TBC1D32: variants seen among roughly 807,000 people sequenced by gnomAD.
TBC1D32 encodes the protein TBC1 domain family member 32.
A neutral mutation model predicts 170.3 loss-of-function variants in TBC1D32; 151 were observed. That is an observed-to-expected ratio of 0.89 (90% CI 0.78 to 1.01). TBC1D32 has a LOEUF of 1.01. Ranked by LOEUF, TBC1D32 falls within the 50% of genes least tolerant of loss-of-function variation. The probability of loss-of-function intolerance (pLI) is 0.00; values close to 1 mark genes in which losing one functional copy is unlikely to be tolerated. For synonymous variants in TBC1D32, 498 were observed against 488.0 expected (o/e 1.02, Z -0.27); for missense variants, 1,464 against 1,457.1 (o/e 1.00, Z -0.08).
chr6:121,135,088 T>C (rs1440803083), intron 24 of TBC1D32, among the ~76,000 whole-genome samples: 2 of 152,142 alleles, frequency 1.3e-5, no homozygotes, highest in African/African-American at 2.4e-5. Flanking sequence ...TTATCAGCCA[T>C]TCCTCTTAAC....
At chr6:121,112,786 G>C in intron 28 of TBC1D32, 127 bp from the exon 29 acceptor site, 1 of 911,278 alleles carries the variant, frequency 1.1e-6, no homozygotes, top group Non-Finnish European at 1.5e-6. Context: ...ATGAAACTTA[G>C]TTTTTAAATA....
chr6:121,083,744 G>C (rs1281539358), intron 31 of TBC1D32, among the ~76,000 whole-genome samples: 2 of 152,072 alleles, frequency 1.3e-5, no homozygotes, highest in African/African-American at 4.8e-5. Flanking sequence ...ATTCTCCTAT[G>C]TTAGTTACTA....
chr6:121,109,400 T>C (rs1471566456), intron 29 of TBC1D32, among the ~76,000 whole-genome samples: 1 of 152,188 alleles, frequency 6.6e-6, no homozygotes, highest in Non-Finnish European at 1.5e-5. Flanking sequence ...TATGTGCATG[T>C]AAAATACTCT....
At chr6:121,180,308 T>C (rs1169495681) in intron 22 of TBC1D32, among the ~76,000 whole-genome samples, 3 of 152,128 alleles carry the variant, frequency 2.0e-5, no homozygotes, top group African/African-American at 7.2e-5. Flanking sequence ...CAAGAAGAAT[T>C]GCTCTATCAG....
chr6:121,131,592 C>T (rs1781445393), intron 25 of TBC1D32, 35 bp downstream of exon 25: 5 of 1,580,364 alleles, frequency 3.2e-6, no homozygotes, highest in Non-Finnish European at 4.3e-6. Flanking sequence ...AATTTTCATA[C>T]ATAAGAAAAC....
At chr6:121,212,353 T>C (rs1196942159) in intron 21 of TBC1D32, among the ~76,000 whole-genome samples, 1 of 151,026 alleles carries the variant, frequency 6.6e-6, no homozygotes, top group African/African-American at 2.4e-5. Context: ...AGAGAAGGAC[T>C]CCTACCTAAC....
intron 29 of TBC1D32, among the ~76,000 whole-genome samples, chr6:121,108,500 T>C (rs551104555): frequency 6.6e-6 from 1 of 152,172 alleles, no homozygotes; most frequent in Non-Finnish European, 1.5e-5. Context: ...AATAGTCTAA[T>C]ATATAAACTA....
chr6:121,198,536 G>T (rs58124381), intron 22 of TBC1D32, among the ~76,000 whole-genome samples: 16,413 of 150,490 alleles, frequency 0.11, 2,107 homozygotes, highest in African/African-American at 0.28. Flanking sequence ...TGGATCACGA[G>T]CTCAGGAGAT....
chr6:121,149,347 A>T (rs1242449397), intron 24 of TBC1D32, among the ~76,000 whole-genome samples: 1 of 152,116 alleles, frequency 6.6e-6, no homozygotes, highest in African/African-American at 2.4e-5. Context: ...CTATGTCCTG[A>T]ATGGTATTGC....
intron 17 of TBC1D32, among the ~76,000 whole-genome samples, chr6:121,255,011 C>A (rs1052844337): frequency 6.6e-6 from 1 of 152,002 alleles, no homozygotes; most frequent in Non-Finnish European, 1.5e-5. Flanking sequence ...ATTATTTCTA[C>A]TAAACTCTCC....
At chr6:121,310,151 G>C (rs1807962584) in intron 4 of TBC1D32, among the ~76,000 whole-genome samples, 1 of 152,012 alleles carries the variant, frequency 6.6e-6, no homozygotes, top group Non-Finnish European at 1.5e-5. Context: ...TCAGTTAGGA[G>C]AAGTAAATTC....
intron 21 of TBC1D32, among the ~76,000 whole-genome samples, chr6:121,212,099 A>G (rs1793145571): frequency 6.6e-6 from 1 of 152,138 alleles, no homozygotes; most frequent in African/African-American, 2.4e-5. Flanking sequence ...GAACATCTCT[A>G]TGCAAACAAC....
At chr6:121,121,592 T>C (rs1031238218) in intron 26 of TBC1D32, among the ~76,000 whole-genome samples, 1 of 152,032 alleles carries the variant, frequency 6.6e-6, no homozygotes, top group Non-Finnish European at 1.5e-5. Flanking sequence ...TATTATCGAA[T>C]AATCTTTGTA....
intron 21 of TBC1D32, 82 bp downstream of exon 21, chr6:121,223,154 C>G (rs1201849238): frequency 5.7e-6 from 5 of 875,686 alleles, no homozygotes; most frequent in South Asian, 1.8e-5. Context: ...TCTTTTTTCT[C>G]TTTTTGGTCA....
intron 22 of TBC1D32, among the ~76,000 whole-genome samples, chr6:121,178,645 A>T (rs1211762944): frequency 6.6e-6 from 1 of 152,234 alleles, no homozygotes; most frequent in South Asian, 2.1e-4. Context: ...TCCTGAGTGT[A>T]GGCAGGTCCT....
At chr6:121,322,977 A>G (rs1809955737) in intron 1 of TBC1D32, among the ~76,000 whole-genome samples, 1 of 151,972 alleles carries the variant, frequency 6.6e-6, no homozygotes. Flanking sequence ...TTCGCCTATA[A>G]GAAAAAGAGA....
chr6:121,172,402 T>C (rs1194987899), intron 22 of TBC1D32, among the ~76,000 whole-genome samples: 1 of 152,162 alleles, frequency 6.6e-6, no homozygotes, highest in Non-Finnish European at 1.5e-5. Context: ...AGGAAGAGTA[T>C]GCATGGAATA....
chr6:121,131,796 T>A, intron 24 of TBC1D32, 44 bp from the exon 25 acceptor site: 1 of 1,462,386 alleles, frequency 6.8e-7, no homozygotes, highest in Non-Finnish European at 9.3e-7. Flanking sequence ...ACATGCTAGA[T>A]ATACTGAAAA....
intron 24 of TBC1D32, among the ~76,000 whole-genome samples, chr6:121,135,980 C>T (rs966165615): frequency 6.6e-6 from 1 of 152,072 alleles, no homozygotes; most frequent in African/African-American, 2.4e-5. Context: ...TAAGGAAAGG[C>T]AACAAAATTT....
Sources: gnomAD v4.1 joint callset for allele counts (sites outside exome capture counted in the v4.1 genomes callset) on GRCh38, gnomAD v4.1.1 for gene constraint, MANE v1.5 for transcripts, NCBI Gene and HGNC (gene_info 2026-07-23, HGNC 2026-07-21) for gene names.